Variants in SMPDL3A observed in about 807,000 individuals in gnomAD.
SMPDL3A encodes cyclic GMP-AMP phosphodiesterase SMPDL3A.
SMPDL3A carries 39 observed loss-of-function variants against 38.5 expected under a neutral mutation model. The observed-to-expected ratio is 1.01, with a 90% CI of 0.78 to 1.32. The LOEUF (loss-of-function observed/expected upper bound fraction) is 1.32, where lower values mean the gene tolerates loss of function less well. Among genes scored for constraint, SMPDL3A ranks in the 40% most tolerant of loss-of-function variants. The pLI is 0.00. For missense variants in SMPDL3A, 502 were observed against 536.2 expected (o/e 0.94, Z 0.63); for synonymous variants, 180 against 194.3 (o/e 0.93, Z 0.61).
intron 1 of SMPDL3A, 50 bp downstream of exon 1, chr6:122,789,508 G>T: frequency 1.4e-6 from 2 of 1,453,624 alleles, no homozygotes; most frequent in Non-Finnish European, 1.9e-6. Flanking sequence ...AGCGCGGAGC[G>T]GCGGCGCCTG....
rs1055703887 is a variant in SMPDL3A, at chr6:122,789,465, T to C, written c.112+7T>C. 2 of 1,544,920 alleles carry C rather than the reference T, an allele frequency of 1.3e-6. No individual in the cohort carries two copies. The highest frequency in any genetic ancestry group is 8.8e-7 in the Non-Finnish European group (1 of 1,142,334). On this transcript the variant is annotated splice_region_variant and intron_variant, in intron 1 of 7. Transcript: ENST00000368440. ...AATCCTCCTCCGGCGATAGGTGAGT[T>C]GTCCGCGACCCTTCTCTTCCCAGCC...
intron 1 of SMPDL3A, among the ~76,000 whole-genome samples, chr6:122,791,493 A>G (rs1781075854): frequency 6.6e-6 from 1 of 152,176 alleles, no homozygotes; most frequent in African/African-American, 2.4e-5. Context: ...AACCATTCAT[A>G]TACTGCTGAG....
At chr6:122,807,805 T>C (rs1781682966) in intron 7 of SMPDL3A, among the ~76,000 whole-genome samples, 1 of 152,148 alleles carries the variant, frequency 6.6e-6, no homozygotes, top group Non-Finnish European at 1.5e-5. Flanking sequence ...GTTTTATTCA[T>C]AAATATTTGA....
chr6:122,795,641 A>T (rs1182471934), intron 1 of SMPDL3A, 36 bp from the exon 2 acceptor site: 2 of 1,477,004 alleles, frequency 1.4e-6, no homozygotes. Context: ...AAAAGAGAAC[A>T]AGTAGATTTA....
chr6:122,804,151 C>A (rs2115173267), intron 5 of SMPDL3A, among the ~76,000 whole-genome samples: 1 of 152,054 alleles, frequency 6.6e-6, no homozygotes, highest in East Asian at 1.9e-4. Context: ...CCACGCCTGG[C>A]TAATTTTTGT....
chr6:122,805,547 A>G lies in SMPDL3A; in HGVS notation c.919+458A>G, dbSNP rs534540101. 2.0e-5 allele frequency among the ~76,000 whole-genome samples: 3 copies of G among 152,356 alleles called. No homozygotes were observed. The East Asian group carries it at 5.8e-4, about 29-fold the overall frequency. ...TACTTGCAAGTTCTTATTGATACAT[A>G]TATAAGCAGAGAGAATGATACAAAC... On this transcript the variant is annotated intron_variant, in intron 6 of 7. Transcript: ENST00000368440.
intron 4 of SMPDL3A, among the ~76,000 whole-genome samples, chr6:122,802,848 GTCA>G (rs1781469889): frequency 6.6e-6 from 1 of 152,080 alleles, no homozygotes; most frequent in African/African-American, 2.4e-5. Flanking sequence ...CTCAAACTTT[GTCA>G]TCCCAGAGGC....
At chr6:122,803,935 T>C in intron 5 of SMPDL3A, 102 bp downstream of exon 5, 1 of 963,794 alleles carries the variant, frequency 1.0e-6, no homozygotes, top group South Asian at 1.8e-5. Flanking sequence ...AGTATTATAA[T>C]TTGAAGATTT....
chr6:122,790,399 TC>T (rs1402496401), intron 1 of SMPDL3A, among the ~76,000 whole-genome samples: 2 of 152,136 alleles, frequency 1.3e-5, no homozygotes, highest in Non-Finnish European at 2.9e-5. Context: ...TGCCCTCACC[TC>T]CTCAACTCCC....
At chr6:122,790,950 T>C (rs1336571115) in intron 1 of SMPDL3A, among the ~76,000 whole-genome samples, 1 of 152,158 alleles carries the variant, frequency 6.6e-6, no homozygotes, top group African/African-American at 2.4e-5. Context: ...AGTTCAGTGG[T>C]CTGAAGTGTT....
intron 5 of SMPDL3A, among the ~76,000 whole-genome samples, chr6:122,804,382 C>A (rs1781533052): frequency 6.6e-6 from 1 of 151,944 alleles, no homozygotes; most frequent in South Asian, 2.1e-4. Flanking sequence ...TGGCTCACTG[C>A]AGCTTCAGCC....
chr6:122,789,510 C>A (rs1214697507), intron 1 of SMPDL3A, 52 bp downstream of exon 1: 1 of 1,439,762 alleles, frequency 6.9e-7, no homozygotes, highest in Non-Finnish European at 9.5e-7. Context: ...CGCGGAGCGG[C>A]GGCGCCTGCG....
intron 7 of SMPDL3A, among the ~76,000 whole-genome samples, chr6:122,806,902 G>T (rs1294638659): frequency 6.6e-6 from 1 of 152,144 alleles, no homozygotes; most frequent in East Asian, 1.9e-4. Context: ...TAACAAACAA[G>T]ATTTTATTTT....
At position 122,806,341 on chromosome 6, in the gene SMPDL3A, G is replaced by C. The variant is rs61745223; in HGVS notation, c.1028G>C (p.Arg343Pro). The C allele has an allele frequency of 6.2e-7, 1 of 1,608,034 alleles. No homozygotes were observed. ...ATCAGACTGTTTCAGTATGATCCTC[G>C]TGATTATAAATTATTGGTAAGTTGG... is the stretch of plus-strand genomic sequence containing the variant. ...PGIRLFQYDP[R>P]DYKLLDMLQY... Residue 343 changes from arginine to proline, a missense_variant, in exon 7 of 8, where the codon CGT becomes CCT. Physicochemically the swap from Arg to Pro is moderately radical, Grantham distance 103. Transcript: ENST00000368440.
chr6:122,797,164 A>G (rs991448595), intron 3 of SMPDL3A, 196 bp downstream of exon 3: 2 of 433,896 alleles, frequency 4.6e-6, no homozygotes, highest in African/African-American at 4.0e-5. Flanking sequence ...ATACTTCATG[A>G]GAAGTTGTAT....
chr6:122,789,705 C>T, intron 1 of SMPDL3A: 1 of 497,634 alleles, frequency 2.0e-6, no homozygotes, highest in Non-Finnish European at 2.6e-6. Context: ...CCGGTGGGGG[C>T]GCTCCAAGGG....
Position 122,804,910 on chromosome 6 carries a change from T to C in SMPDL3A, c.740T>C (p.Val247Ala). The change falls in exon 6 of 8, where the codon GTG (valine) becomes GCG (alanine). Residue 247 changes from valine to alanine, a missense_variant and splice_region_variant. Physicochemically the swap from Val to Ala is moderately conservative, Grantham distance 64 (BLOSUM62 0). Transcript: ENST00000368440. ...LNNSQQNKEK[V>A]YIIAHVPVGY... Reference sequence around the variant, plus strand: ...GCCTTTTTGTGTTTCTTTTTCCAGGTGTATATCATAGCACATGTTCCAGTG... The same window carrying C: ...GCCTTTTTGTGTTTCTTTTTCCAGGCGTATATCATAGCACATGTTCCAGTG... 1 of 1,606,910 alleles carries C rather than the reference T, an allele frequency of 6.2e-7. No homozygotes were observed. The highest frequency in any genetic ancestry group is 2.2e-5 in the East Asian group (1 of 44,510).
At chr6:122,807,317 T>C (rs1043641142) in intron 7 of SMPDL3A, among the ~76,000 whole-genome samples, 1 of 152,074 alleles carries the variant, frequency 6.6e-6, no homozygotes, top group African/African-American at 2.4e-5. Flanking sequence ...GCTGACACGG[T>C]GAAACCCCGT....
intron 1 of SMPDL3A, among the ~76,000 whole-genome samples, chr6:122,794,422 C>G (rs892698479): frequency 6.6e-6 from 1 of 151,978 alleles, no homozygotes; most frequent in Non-Finnish European, 1.5e-5. Context: ...ATGGTGAAAC[C>G]CCGTCTCTAC....
Sources: allele counts gnomAD v4.1 joint callset (sites outside exome capture counted in the v4.1 genomes callset), GRCh38; gene constraint gnomAD v4.1.1; transcripts MANE v1.5; gene names NCBI Gene and HGNC (gene_info 2026-07-23, HGNC 2026-07-21).